SEM1: variants seen among roughly 807,000 people sequenced by gnomAD.
SEM1 encodes the protein SEM1 26S proteasome subunit.
In SEM1, 3 loss-of-function variants were observed where a neutral mutation model predicts 12.7. The observed-to-expected ratio is 0.24, with a 90% confidence interval of 0.11 to 0.61. The LOEUF (loss-of-function observed/expected upper bound fraction) is 0.61, where lower values mean the gene tolerates loss of function less well. SEM1 is among the 20% of genes least tolerant of loss of function. The probability of loss-of-function intolerance (pLI) is 0.88; values close to 1 mark genes in which losing one functional copy is unlikely to be tolerated. For synonymous variants in SEM1, 30 were observed against 27.8 expected (o/e 1.08, Z -0.25); for missense variants, 59 against 81.3 (o/e 0.73, Z 1.06).
intron 3 of SEM1, among the ~76,000 whole-genome samples, chr7:96,501,976 G>A (rs1388895644): frequency 6.6e-6 from 1 of 152,052 alleles, no homozygotes; most frequent in Admixed American, 6.6e-5. Flanking sequence ...AGAACATGTG[G>A]AATTTTGTTT....
chr7:96,509,391 A>C (rs1328031905), intron 2 of SEM1, among the ~76,000 whole-genome samples: 1 of 152,036 alleles, frequency 6.6e-6, no homozygotes, highest in East Asian at 1.9e-4. Flanking sequence ...TTTTCACATT[A>C]ATAAGCATTA....
At chr7:96,689,118 A>C (rs1186446987) in intron 2 of SEM1, 152 bp from the exon 3 acceptor site, 2 of 518,746 alleles carry the variant, frequency 3.9e-6, no homozygotes, top group South Asian at 3.4e-5. Context: ...TGAAAAAAAA[A>C]CATAAGAAAA....
intron 2 of SEM1, among the ~76,000 whole-genome samples, chr7:96,660,292 TG>T (rs1302995577): frequency 6.6e-6 from 1 of 152,130 alleles, no homozygotes; most frequent in Non-Finnish European, 1.5e-5. Flanking sequence ...TAGCTTCAAA[TG>T]ATATAAATCA....
At chr7:96,700,367 T>C (rs890243027) in intron 1 of SEM1, among the ~76,000 whole-genome samples, 5 of 152,166 alleles carry the variant, frequency 3.3e-5, no homozygotes, top group African/African-American at 1.2e-4. Flanking sequence ...TAAATACTTA[T>C]GAAGAAGAGT....
chr7:96,607,423 A>G (rs1344770937), intron 2 of SEM1, among the ~76,000 whole-genome samples: 1 of 152,228 alleles, frequency 6.6e-6, no homozygotes, highest in Non-Finnish European at 1.5e-5. Flanking sequence ...AATATATTGA[A>G]TCAGAAAAAA....
At chr7:96,542,791 G>A (rs1315486096) in intron 2 of SEM1, among the ~76,000 whole-genome samples, 1 of 151,646 alleles carries the variant, frequency 6.6e-6, no homozygotes, top group Non-Finnish European at 1.5e-5. Context: ...GGGGAAATAT[G>A]AATAATATAT....
At chr7:96,562,663 A>T (rs1805725124) in intron 2 of SEM1, among the ~76,000 whole-genome samples, 1 of 152,154 alleles carries the variant, frequency 6.6e-6, no homozygotes, top group South Asian at 2.1e-4. Flanking sequence ...AAAGAACCTT[A>T]CAAGTGGATA....
chr7:96,682,064 G>A (rs1030311348), intron 2 of SEM1, among the ~76,000 whole-genome samples: 4 of 151,790 alleles, frequency 2.6e-5, no homozygotes, highest in Non-Finnish European at 4.4e-5. Flanking sequence ...ATTTCCTTGA[G>A]CAGTGGTTTG....
At chr7:96,608,263 T>C (rs1524922) in intron 2 of SEM1, among the ~76,000 whole-genome samples, 91,853 of 151,940 alleles carry the variant, frequency 0.6, 29,048 homozygotes, top group East Asian at 0.79. Flanking sequence ...CTTTTGTTAG[T>C]ACCCCACCAG....
intron 2 of SEM1, among the ~76,000 whole-genome samples, chr7:96,556,793 C>T (rs1245993943): frequency 7.3e-6 from 1 of 137,036 alleles, no homozygotes; most frequent in Non-Finnish European, 1.6e-5. Flanking sequence ...TGTTTTCCAA[C>T]TTGGTTCCAT....
chr7:96,626,152 C>T (rs1263895803), intron 2 of SEM1, among the ~76,000 whole-genome samples: 3 of 151,990 alleles, frequency 2.0e-5, no homozygotes, highest in Non-Finnish European at 4.4e-5. Flanking sequence ...ATTAACCATC[C>T]CACCTCCCCT....
At chr7:96,520,944 C>T (rs906914453) in intron 2 of SEM1, among the ~76,000 whole-genome samples, 1 of 151,982 alleles carries the variant, frequency 6.6e-6, no homozygotes, top group Non-Finnish European at 1.5e-5. Context: ...CTGAGAGCCC[C>T]GTAATTCTCA....
chr7:96,629,389 C>G (rs1808175008), intron 2 of SEM1, among the ~76,000 whole-genome samples: 1 of 151,818 alleles, frequency 6.6e-6, no homozygotes, highest in Non-Finnish European at 1.5e-5. Flanking sequence ...TATCTTCAAG[C>G]TCACTAATTC....
intron 2 of SEM1, among the ~76,000 whole-genome samples, chr7:96,587,072 C>G (rs544777040): frequency 7.4e-6 from 1 of 134,992 alleles, no homozygotes; most frequent in East Asian, 3.2e-4. Context: ...GGGAATGTTA[C>G]CAGGTGGTCT....
intron 2 of SEM1, among the ~76,000 whole-genome samples, chr7:96,550,279 G>T (rs937276780): frequency 4.6e-5 from 7 of 152,186 alleles, no homozygotes; most frequent in Admixed American, 4.6e-4. Flanking sequence ...GCTAAACAAA[G>T]CTATTCCCCA....
intron 2 of SEM1, among the ~76,000 whole-genome samples, chr7:96,564,028 C>G (rs1449574564): frequency 6.6e-6 from 1 of 151,972 alleles, no homozygotes; most frequent in Non-Finnish European, 1.5e-5. Flanking sequence ...TTTCTAGTGT[C>G]TGAGACAGTA....
intron 3 of SEM1, among the ~76,000 whole-genome samples, chr7:96,503,202 C>T (rs1803628679): frequency 6.6e-6 from 1 of 152,108 alleles, no homozygotes; most frequent in Non-Finnish European, 1.5e-5. Context: ...AGTTGTTAAA[C>T]TCTTTGATCC....
chr7:96,632,660 A>G (rs1350987791), intron 2 of SEM1, among the ~76,000 whole-genome samples: 1 of 152,042 alleles, frequency 6.6e-6, no homozygotes, highest in African/African-American at 2.4e-5. Context: ...TATGTAACGA[A>G]CCTGCACATT....
intron 2 of SEM1, among the ~76,000 whole-genome samples, chr7:96,573,234 T>C (rs1424311535): frequency 6.6e-6 from 1 of 152,024 alleles, no homozygotes; most frequent in Non-Finnish European, 1.5e-5. Flanking sequence ...GTCTCGACTC[T>C]ATCCCATTTG....
Sources: gnomAD v4.1 joint callset for allele counts (sites outside exome capture counted in the v4.1 genomes callset) on GRCh38, gnomAD v4.1.1 for gene constraint, MANE v1.5 for transcripts, NCBI Gene and HGNC (gene_info 2026-07-23, HGNC 2026-07-21) for gene names.